Variants in PUDP observed in about 807,000 individuals in gnomAD.
PUDP encodes pseudouridine 5'-phosphatase, also known as pseudouridine-5'-phosphatase.
In PUDP, 8 loss-of-function variants were observed where a neutral mutation model predicts 9.4. The observed-to-expected ratio is 0.85, with a 90% confidence interval of 0.50 to 1.53. PUDP has a LOEUF of 1.53. PUDP is among the 40% of genes most tolerant of loss of function. The probability of loss-of-function intolerance (pLI) is 0.00; values close to 1 mark genes in which losing one functional copy is unlikely to be tolerated. For synonymous variants in PUDP, 99 were observed against 80.7 expected, an observed-to-expected ratio of 1.23 and a Z score of -1.22; for missense variants, 188 against 189.7, an observed-to-expected ratio of 0.99 and a Z score of 0.05.
chrX:6,947,804 AAATAAATAAAT>A (rs1928491773), intron 3 of PUDP, among the ~76,000 whole-genome samples: 1 of 109,304 alleles, frequency 9.1e-6, no homozygotes, highest in Non-Finnish European at 1.9e-5. Context: ...ATAAATAAAT[AAATAAATAAAT>A]AAAAATAAAG....
At chrX:6,872,744 G>A (rs974996548) in intron 3 of PUDP, among the ~76,000 whole-genome samples, 1 of 104,488 alleles carries the variant, frequency 9.6e-6, no homozygotes, top group Admixed American at 1.0e-4. Context: ...ATAAGGTCAC[G>A]TTCCCGTGGT....
At chrX:6,876,844 CATAT>C (rs1927268108) in intron 3 of PUDP, among the ~76,000 whole-genome samples, 1 of 110,205 alleles carries the variant, frequency 9.1e-6, no homozygotes, top group Non-Finnish European at 1.9e-5. Flanking sequence ...GACATATATA[CATAT>C]AGACATATGT....
chrX:6,898,122 G>A (rs1360565000), intron 3 of PUDP, among the ~76,000 whole-genome samples: 2 of 112,069 alleles, frequency 1.8e-5, no homozygotes, highest in Non-Finnish European at 3.8e-5. Flanking sequence ...CCTGCAGTGA[G>A]ATGTGAAGGT....
At chrX:6,776,497 C>A (rs1277469203) in intron 3 of PUDP, among the ~76,000 whole-genome samples, 1 of 111,426 alleles carries the variant, frequency 9.0e-6, no homozygotes, top group Non-Finnish European at 1.9e-5. Context: ...CGCCACTACA[C>A]TCCGGCCTGG....
chrX:7,021,671 A>C (rs1372921316), intron 1 of PUDP, among the ~76,000 whole-genome samples: 1 of 112,083 alleles, frequency 8.9e-6, no homozygotes, highest in Non-Finnish European at 1.9e-5. Context: ...TCATATCCAT[A>C]TGCGTATGTC....
intron 3 of PUDP, among the ~76,000 whole-genome samples, chrX:6,885,337 CAGA>C (rs1428525749): frequency 8.9e-6 from 1 of 111,983 alleles, no homozygotes; most frequent in Admixed American, 9.5e-5. Flanking sequence ...ATGCATGAGA[CAGA>C]AGAAGATTAA....
intron 3 of PUDP, among the ~76,000 whole-genome samples, chrX:6,775,842 G>A (rs1031670316): frequency 1.4e-4 from 16 of 111,514 alleles, no homozygotes; most frequent in Non-Finnish European, 1.1e-4. Flanking sequence ...ACCAGGAAGC[G>A]GGTTCTCACC....
intron 3 of PUDP, among the ~76,000 whole-genome samples, chrX:7,076,384 C>T (rs1459983018): frequency 1.8e-5 from 2 of 111,797 alleles, no homozygotes; most frequent in African/African-American, 6.5e-5. Context: ...ATGCCCTCCC[C>T]AGCTGCTTAC....
intron 1 of PUDP, among the ~76,000 whole-genome samples, chrX:7,030,740 C>T (rs1250093526): frequency 9.0e-6 from 1 of 111,134 alleles, no homozygotes; most frequent in East Asian, 2.8e-4. Flanking sequence ...GTTACTGGCT[C>T]TAACATTATT....
At chrX:7,008,122 C>T (rs778299447) in intron 1 of PUDP, among the ~76,000 whole-genome samples, 3 of 109,312 alleles carry the variant, frequency 2.7e-5, no homozygotes, top group Non-Finnish European at 3.8e-5. Flanking sequence ...CACCACCACG[C>T]GCAGCTAATT....
chrX:6,916,191 T>TACACACACACAC (rs747162229), intron 3 of PUDP, among the ~76,000 whole-genome samples: 23 of 69,832 alleles, frequency 3.3e-4, no homozygotes, highest in East Asian at 1.5e-3. Flanking sequence ...ATGCTTTTTC[T>TACACACACACAC]ACACACACAC....
rs904162140 is a variant in PUDP, at chrX:7,116,905, C to T, written c.62-11067G>A. On this transcript the variant is annotated intron_variant, in intron 1 of 3. Transcript: ENST00000381077. ...CTGGTGGTTTAAAAGTGCATGGTAC[C>T]TCCCCCCAACTCTCTCTCTGGCTCA... 2.2e-5 allele frequency: 25 copies of T among 1,151,876 alleles called. No homozygotes were observed. The Admixed American group carries it at 6.1e-4, about 28-fold the overall frequency. 94.9% of individuals were successfully genotyped at this position (1,151,876 alleles called of 1,213,427 possible).
At chrX:6,750,955 C>T (rs1033644291) in intron 3 of PUDP, among the ~76,000 whole-genome samples, 9 of 110,372 alleles carry the variant, frequency 8.2e-5, no homozygotes, top group South Asian at 7.9e-4. Flanking sequence ...CTGGCTAACA[C>T]GGTAAAACCC....
At chrX:7,094,502 G>A (rs1033838086) in intron 2 of PUDP, among the ~76,000 whole-genome samples, 3 of 110,033 alleles carry the variant, frequency 2.7e-5, no homozygotes, top group East Asian at 5.8e-4. Context: ...GACTACAGGC[G>A]CCTGCCACCA....
intron 3 of PUDP, among the ~76,000 whole-genome samples, chrX:6,824,448 C>T (rs1247868533): frequency 9.0e-6 from 1 of 111,402 alleles, no homozygotes; most frequent in Non-Finnish European, 1.9e-5. Context: ...CATCCTGTGA[C>T]TTAGAATGTC....
chrX:6,992,622 G>A (rs147756105), intron 1 of PUDP, among the ~76,000 whole-genome samples: 1,149 of 110,594 alleles, frequency 0.01, 12 homozygotes, highest in Non-Finnish European at 0.013. Context: ...CAAAGGCAGT[G>A]GGGTGTAGGA....
At chrX:6,845,990 G>T (rs958248691) in intron 3 of PUDP, among the ~76,000 whole-genome samples, 7 of 111,842 alleles carry the variant, frequency 6.3e-5, no homozygotes, top group African/African-American at 2.3e-4. Flanking sequence ...CTTCAATAGA[G>T]TAATTGTATA....
chrX:6,772,284 T>C (rs1925376430), intron 3 of PUDP, among the ~76,000 whole-genome samples: 2 of 111,530 alleles, frequency 1.8e-5, no homozygotes, highest in Non-Finnish European at 3.8e-5. Context: ...TTTCCTATAT[T>C]ACAATGAAAT....
At chrX:6,876,471 TAC>T (rs928897864) in intron 3 of PUDP, among the ~76,000 whole-genome samples, 4 of 106,511 alleles carry the variant, frequency 3.8e-5, no homozygotes, top group African/African-American at 1.0e-4. Flanking sequence ...TATATGTATA[TAC>T]ACACATATAC....
Sources: gnomAD v4.1 joint callset for allele counts (sites outside exome capture counted in the v4.1 genomes callset) on GRCh38, gnomAD v4.1.1 for gene constraint, MANE v1.5 for transcripts, NCBI Gene and HGNC (gene_info 2026-07-23, HGNC 2026-07-21) for gene names.